Variants in ST13 observed in about 807,000 individuals in gnomAD.
ST13 encodes ST13 Hsp70 interacting protein.
Under a neutral mutation model 56.7 loss-of-function variants are expected in ST13, and 23 were observed. The ratio of observed to expected loss-of-function variants is 0.41; its 90% CI spans 0.29 to 0.57. The LOEUF (loss-of-function observed/expected upper bound fraction) is 0.57, where lower values mean the gene tolerates loss of function less well. Among genes scored for constraint, ST13 ranks in the 20% least tolerant of loss-of-function variants. The probability of loss-of-function intolerance (pLI) is 0.36; values close to 1 mark genes in which losing one functional copy is unlikely to be tolerated. For missense variants in ST13, 369 were observed against 459.9 expected (o/e 0.80, Z 1.81); for synonymous variants, 132 against 142.4 (o/e 0.93, Z 0.52).
intron 1 of ST13, among the ~76,000 whole-genome samples, chr22:40,852,052 G>T (rs1232014102): frequency 6.6e-6 from 1 of 152,128 alleles, no homozygotes; most frequent in Non-Finnish European, 1.5e-5. Flanking sequence ...CTGATTCTTT[G>T]TAACTAGAGT....
rs765227712 is a variant in ST13, at chr22:40,850,855, T to G, written c.136A>C (p.Thr46Pro). ...TTTTCTTCTGATTTAGCTTTCTGAG[T>G]AGCAGGTGGTACTTTACCACCCATG... is the stretch of plus-strand genomic sequence containing the variant. ...ESMGGKVPPA[T>P]QKAKSEENTK... The change falls in exon 2 of 12, where the codon ACT becomes CCT. Residue 46 changes from threonine (T) to proline (P), a missense_variant. By Grantham distance (38) the Thr-to-Pro change is conservative. Transcript: ENST00000216218. 1.9e-6 allele frequency: 3 copies of G among 1,604,340 alleles called. No individual in the cohort carries two copies. Among genetic ancestry groups the G allele is most frequent in the Non-Finnish European group, 2.5e-6 (3 of 1,177,034 alleles).
In ST13 at chr22:40,825,098, A is replaced by AT. The variant is rs1367301282; in HGVS notation, c.*1439dup. The AT allele has an allele frequency of 6.6e-6, 1 of 152,172 alleles. No homozygotes were observed. The highest frequency in any genetic ancestry group is 1.5e-5 in the Non-Finnish European group (1 of 68,024). 9.4% of individuals were successfully genotyped at this position (152,172 alleles called of 1,614,324 possible). On this transcript the variant is annotated 3_prime_UTR_variant, in exon 12 of 12. Transcript: ENST00000216218. ...CGTAGCAATGTCAGGTACAATGCCT[A>AT]TACTTAGTCTTATTTAAAATAAGAA...
At chr22:40,832,154 G>A (rs963379922) in intron 8 of ST13, 12 of 470,254 alleles carry the variant, frequency 2.6e-5, no homozygotes, top group East Asian at 6.9e-5. Context: ...GCGCCTGGCC[G>A]GAAAGCCTGA....
chr22:40,826,290 GA>G lies in ST13; in HGVS notation c.*247del. 1 of 298,338 alleles carries G rather than the reference GA, an allele frequency of 3.4e-6. No homozygotes were observed. The highest frequency in any genetic ancestry group is 6.1e-6 in the Non-Finnish European group (1 of 162,782). 18.5% of individuals were successfully genotyped at this position (298,338 alleles called of 1,614,324 possible). Reference sequence around the variant, plus strand: ...CCTTTAAATTTGTTTTAAATATTTTGAAGATTTAAAAAGTGTTTAAAGTTTG... The same window carrying G: ...CCTTTAAATTTGTTTTAAATATTTTGAGATTTAAAAAGTGTTTAAAGTTTG... On this transcript the variant is annotated 3_prime_UTR_variant, in exon 12 of 12. Coordinates refer to ENST00000216218, the MANE Select transcript of ST13 (RefSeq NM_003932.5).
At chr22:40,843,346 G>A (rs1039644867) in intron 4 of ST13, among the ~76,000 whole-genome samples, 2 of 151,966 alleles carry the variant, frequency 1.3e-5, no homozygotes, top group African/African-American at 4.8e-5. Flanking sequence ...AAATTTACTT[G>A]GAAAAACAAA....
chr22:40,825,274 C>T lies in ST13; in HGVS notation c.*1264G>A, dbSNP rs2057722242. On this transcript the variant is annotated 3_prime_UTR_variant, in exon 12 of 12. Coordinates refer to ENST00000216218, the MANE Select transcript of ST13 (RefSeq NM_003932.5). ...GTCTCAACAACTCCACAATGAATAA[C>T]TGTGGATTATCTCATTTATAATTCA... 1 of 152,106 alleles carries T rather than the reference C, an allele frequency of 6.6e-6. No individual in the cohort carries two copies. Among genetic ancestry groups the T allele is most frequent in the Non-Finnish European group, 1.5e-5 (1 of 68,006 alleles). The allele number at this position is 152,106 out of a possible 1,614,324, so 9.4% of individuals were successfully genotyped here. A position where few individuals can be genotyped will look rare whatever the true frequency, so the allele number is the denominator to read the frequency against.
At chr22:40,846,602 G>GT (rs1569004043) in intron 3 of ST13, among the ~76,000 whole-genome samples, 1 of 152,308 alleles carries the variant, frequency 6.6e-6, no homozygotes, top group East Asian at 1.9e-4. Flanking sequence ...CTGGTAGAAA[G>GT]TAAGACTAAA....
intron 4 of ST13, among the ~76,000 whole-genome samples, chr22:40,842,567 A>G (rs1177036474): frequency 2.6e-5 from 4 of 152,228 alleles, no homozygotes; most frequent in Non-Finnish European, 5.9e-5. Flanking sequence ...AGAGAGTGAT[A>G]AAGAAATGAA....
rs2145728652 is a variant in ST13 at position 40,825,450 on chromosome 22, AAT to A, written c.*1086_*1087del. The A allele has an allele frequency of 6.6e-6, 1 of 152,324 alleles. No individual in the cohort carries two copies. Among genetic ancestry groups the A allele is most frequent in the South Asian group, 2.1e-4 (1 of 4,830 alleles). The allele number at this position is 152,324 out of a possible 1,614,324, so 9.4% of individuals were successfully genotyped here. On this transcript the variant is annotated 3_prime_UTR_variant, in exon 12 of 12. Coordinates refer to ENST00000216218, the MANE Select transcript of ST13 (RefSeq NM_003932.5). ...AACACCAAAGGGAATCCCTCTTTCC[AAT>A]GTCTTCTGATAAGGCAAGATTTTGC...
Position 40,825,675 on chromosome 22 carries a change from AAAGT to A in ST13, c.*859_*862del, listed in dbSNP as rs1303416861. On this transcript the variant is annotated 3_prime_UTR_variant, in exon 12 of 12. Transcript: ENST00000216218. ...GAAAAAGCCTGTCTTTAGCTCAAGA[AAAGT>A]AAGGGAGACAAATGTAGCAAGCAGA... is the stretch of plus-strand genomic sequence containing the variant. 2 of 152,136 alleles carry A rather than the reference AAAGT, an allele frequency of 1.3e-5. No homozygotes were observed. The highest frequency in any genetic ancestry group is 2.9e-5 in the Non-Finnish European group (2 of 68,036). The allele number at this position is 152,136 out of a possible 1,614,324, so 9.4% of individuals were successfully genotyped here.
chr22:40,854,116 G>A (rs1257424584), intron 1 of ST13, among the ~76,000 whole-genome samples: 1 of 152,142 alleles, frequency 6.6e-6, no homozygotes, highest in Non-Finnish European at 1.5e-5. Context: ...CAACAGCTAA[G>A]CCTGTGAGAA....
chr22:40,831,336 G>T (rs181840900), intron 8 of ST13, among the ~76,000 whole-genome samples: 1 of 152,266 alleles, frequency 6.6e-6, no homozygotes, highest in African/African-American at 2.4e-5. Context: ...GATGTCTGCC[G>T]TGGGAAGGCA....
intron 10 of ST13, among the ~76,000 whole-genome samples, chr22:40,829,014 A>T (rs1360874463): frequency 6.6e-6 from 1 of 152,224 alleles, no homozygotes; most frequent in Non-Finnish European, 1.5e-5. Context: ...TAGGAAGTAA[A>T]CTATGAGCTA....
At position 40,827,103 on chromosome 22, in the gene ST13, G is replaced by A. The variant is rs1405938904; in HGVS notation, c.974C>T (p.Ala325Val). 6.2e-7 allele frequency: 1 copy of A among 1,611,460 alleles called. No homozygotes were observed. Among genetic ancestry groups the A allele is most frequent in the East Asian group, 2.2e-5 (1 of 44,884 alleles). Residue 325 changes from alanine (A) to valine (V), a missense_variant, in exon 11 of 12, where the codon GCC becomes GTC. Physicochemically the swap from Ala to Val is moderately conservative, Grantham distance 64. Around this residue, in one of 3 missense-constraint regions of ST13, gnomAD observed 136 missense variants for 159.2 expected, o/e 0.85. Transcript: ENST00000216218. ...TTTTCTTCCAAGTCTTACCTGCATG[G>A]CTGCAAGAACCTCTGGATCACTAAG... Reference protein sequence around the residue: ...EILSDPEVLAAMQDPEVMVAF... With the variant: ...EILSDPEVLAVMQDPEVMVAF...
At position 40,826,506 on chromosome 22, in the gene ST13, C is replaced by T. The variant is rs534991835; in HGVS notation, c.*32G>A. ...CATAAGGTGATCTAGGTTGCTTTTC[C>T]TTCAGCAAGGGCTTTATTTATCAGA... On this transcript the variant is annotated 3_prime_UTR_variant, in exon 12 of 12. Coordinates refer to ENST00000216218, the MANE Select transcript of ST13 (RefSeq NM_003932.5). The T allele has an allele frequency of 1.3e-6, 2 of 1,594,572 alleles. No individual in the cohort carries two copies. Among genetic ancestry groups the T allele is most frequent in the Admixed American group, 1.7e-5 (1 of 59,510 alleles).
intron 10 of ST13, among the ~76,000 whole-genome samples, 157 bp downstream of exon 10, chr22:40,829,469 C>T (rs554095184): frequency 6.6e-6 from 1 of 152,174 alleles, no homozygotes; most frequent in East Asian, 1.9e-4. Context: ...CATTTTTATG[C>T]CTAATAATTC....
chr22:40,830,276 T>C (rs1484116396), intron 9 of ST13, among the ~76,000 whole-genome samples: 1 of 152,206 alleles, frequency 6.6e-6, no homozygotes, highest in Non-Finnish European at 1.5e-5. Context: ...TGTAACATAT[T>C]ATATAATACA....
intron 2 of ST13, among the ~76,000 whole-genome samples, chr22:40,849,723 AC>A (rs1404006701): frequency 6.6e-6 from 1 of 152,102 alleles, no homozygotes; most frequent in Non-Finnish European, 1.5e-5. Flanking sequence ...CTCAGAAAAT[AC>A]CACTCTGATA....
chr22:40,848,956 C>T (rs1318100484), intron 2 of ST13, among the ~76,000 whole-genome samples: 1 of 152,160 alleles, frequency 6.6e-6, no homozygotes, highest in Admixed American at 6.5e-5. Context: ...AAGTGCACGA[C>T]ATATAGAAAG....
Sources: allele counts gnomAD v4.1 joint callset (sites outside exome capture counted in the v4.1 genomes callset), GRCh38; gene constraint gnomAD v4.1.1; regional missense constraint gnomAD v4.1.1; transcripts MANE v1.5; gene names NCBI Gene and HGNC (gene_info 2026-07-23, HGNC 2026-07-21).